Variants in CCDC33 observed in about 807,000 individuals in gnomAD.
CCDC33 encodes the protein coiled-coil domain-containing protein 33.
Under a neutral mutation model 91.9 loss-of-function variants are expected in CCDC33, and 94 were observed. The ratio of observed to expected loss-of-function variants is 1.02; its 90% confidence interval spans 0.87 to 1.21. The LOEUF is 1.21. CCDC33 is among the 50% of genes most tolerant of loss of function. The pLI, the probability that CCDC33 is intolerant of heterozygous loss-of-function variation, is 0.00. For synonymous variants in CCDC33, 396 were observed against 374.5 expected (o/e 1.06, Z -0.66); for missense variants, 940 against 935.5 (o/e 1.00, Z -0.06).
chr15:74,218,759 C>T lies in CCDC33; in HGVS notation c.573C>T (p.His191=), dbSNP rs1433406204. The T allele has an allele frequency of 8.5e-6, 11 of 1,289,486 alleles. No homozygotes were observed. Among genetic ancestry groups the T allele is most frequent in the South Asian group, 6.2e-5 (5 of 81,018 alleles). 79.9% of individuals were successfully genotyped at this position (1,289,486 alleles called of 1,614,324 possible). A position where few individuals can be genotyped will look rare whatever the true frequency, so the allele number is the denominator to read the frequency against. Residue 191 remains histidine, a synonymous_variant, in exon 2 of 3, where the codon CAC becomes CAT. Transcript: ENST00000635913. This position sits in a 1 kb window ranked among gnomAD's most constrained non-coding sequence, Gnocchi z 4.8. ...GCCTGGCCTACAGTGTGGCCTTCCA[C>T]GTCCACCGGGGCCCTCAGCCTCCAG... is the stretch of plus-strand genomic sequence containing the variant.
At chr15:74,283,740 G>T (rs1401379183) in intron 10 of CCDC33, among the ~76,000 whole-genome samples, 1 of 151,046 alleles carries the variant, frequency 6.6e-6, no homozygotes, top group Non-Finnish European at 1.5e-5. Context: ...ATCAGGATTG[G>T]GTGTGTACCA....
At position 74,218,879 on chromosome 15, in the gene CCDC33, C is replaced by G. The variant is rs1221468983; in HGVS notation, c.675+18C>G. 4.1e-6 allele frequency: 5 copies of G among 1,212,154 alleles called. No homozygotes were observed. The highest frequency in any genetic ancestry group is 5.2e-6 in the Non-Finnish European group (5 of 952,518). The allele number at this position is 1,212,154 out of a possible 1,614,324, so 75.1% of individuals were successfully genotyped here. ...TACTGCAGGTGGGTGCTTCCCTGGT[C>G]CCAGTTCAGGTTCTGGGCTCACCGG... is the stretch of plus-strand genomic sequence containing the variant. On this transcript the variant is annotated intron_variant, in intron 2 of 2. Coordinates refer to the CCDC33 transcript ENST00000635913. This position sits in a 1 kb window ranked among gnomAD's most constrained non-coding sequence, Gnocchi z 4.8.
chr15:74,234,013 C>T (rs981565187), upstream of CCDC33, among the ~76,000 whole-genome samples: 5 of 152,164 alleles, frequency 3.3e-5, no homozygotes, highest in African/African-American at 7.2e-5. Flanking sequence ...GTAGTTTGTC[C>T]TCACAGGCTG....
chr15:74,208,310 C>G (rs2074308764), intron 1 of CCDC33, among the ~76,000 whole-genome samples: 1 of 152,120 alleles, frequency 6.6e-6, no homozygotes, highest in Non-Finnish European at 1.5e-5. Context: ...CTTCGGAGGA[C>G]TAGACACAAG....
chr15:74,238,135 A>C (rs1280280464), intron 1 of CCDC33, among the ~76,000 whole-genome samples: 1 of 149,696 alleles, frequency 6.7e-6, no homozygotes, highest in Non-Finnish European at 1.5e-5. Context: ...CTCAAAAATA[A>C]AAGGACGTTG....
intron 10 of CCDC33, among the ~76,000 whole-genome samples, chr15:74,294,870 C>G (rs190412963): frequency 6.6e-6 from 1 of 152,240 alleles, no homozygotes; most frequent in Non-Finnish European, 1.5e-5. Flanking sequence ...GCTGAGACAT[C>G]AAGTCATCCT....
intron 10 of CCDC33, among the ~76,000 whole-genome samples, chr15:74,291,990 G>A (rs1397658323): frequency 6.6e-6 from 1 of 152,228 alleles, no homozygotes; most frequent in African/African-American, 2.4e-5. Flanking sequence ...GCTAGTGCGT[G>A]GCCATGCATC....
chr15:74,250,412 C>T (rs922899096), intron 2 of CCDC33, among the ~76,000 whole-genome samples: 2 of 152,160 alleles, frequency 1.3e-5, no homozygotes, highest in African/African-American at 2.4e-5. Flanking sequence ...GACATCTCTC[C>T]GTTCTCTGAG....
intron 1 of CCDC33, among the ~76,000 whole-genome samples, chr15:74,241,507 G>T (rs907514974): frequency 6.6e-6 from 1 of 152,200 alleles, no homozygotes; most frequent in Non-Finnish European, 1.5e-5. Context: ...CACAGGGCCC[G>T]TGGGACAAGA....
At chr15:74,281,683 G>A in intron 9 of CCDC33, 95 bp from the exon 10 acceptor site, 2 of 1,160,962 alleles carry the variant, frequency 1.7e-6, no homozygotes, top group East Asian at 2.4e-5. Flanking sequence ...GCAGCCCGCA[G>A]GTGACACCTT....
In CCDC33 at chr15:74,256,589, C is replaced by T. The variant is rs1169793798; in HGVS notation, c.186-5851C>T. ...ACTGACAGGTCCACCCATTGCGGCCCAAGAAGGTGGCTCCCAGGGCCCCTC... is the reference window on the plus strand; with the variant it reads ...ACTGACAGGTCCACCCATTGCGGCCTAAGAAGGTGGCTCCCAGGGCCCCTC... On this transcript the variant is annotated intron_variant, in intron 2 of 18. Coordinates refer to ENST00000398814, the MANE Select transcript of CCDC33 (RefSeq NM_025055.5). Among the ~76,000 whole-genome samples, 5 of 152,242 alleles carry T rather than the reference C, an allele frequency of 3.3e-5. No homozygotes were observed. The South Asian group carries it at 1.0e-3, about 32-fold the overall frequency.
intron 5 of CCDC33, among the ~76,000 whole-genome samples, chr15:74,270,887 A>G (rs2076295344): frequency 6.6e-6 from 1 of 152,172 alleles, no homozygotes; most frequent in African/African-American, 2.4e-5. Flanking sequence ...CTGCGCCAAT[A>G]GAAGCCTGGA....
rs545148366 is a variant in CCDC33 at position 74,229,655 on chromosome 15, C to G, written c.675+10794C>G. On this transcript the variant is annotated intron_variant, in intron 2 of 2. Coordinates refer to the CCDC33 transcript ENST00000635913. ...CACACCCGTGCATGCCCTAGCAAGG[C>G]GAGAAGGCACTGGGGGCTTGGACTG... is the stretch of plus-strand genomic sequence containing the variant. Among the ~76,000 whole-genome samples, 62 of 152,356 alleles carry G rather than the reference C, an allele frequency of 4.1e-4. 1 individual carries two copies. The highest frequency in any genetic ancestry group is 1.5e-3 in the African/African-American group (62 of 41,582).
At chr15:74,206,474 G>A (rs1379542910) in intron 1 of CCDC33, among the ~76,000 whole-genome samples, 3 of 152,218 alleles carry the variant, frequency 2.0e-5, no homozygotes, top group South Asian at 4.1e-4. Context: ...AGAGAAGGAT[G>A]GTAATGATGT....
chr15:74,257,190 A>C (rs1400815993), intron 2 of CCDC33, among the ~76,000 whole-genome samples: 1 of 152,238 alleles, frequency 6.6e-6, no homozygotes, highest in Non-Finnish European at 1.5e-5. Flanking sequence ...AGTCCAATTA[A>C]TAAATGAAAC....
chr15:74,243,748 G>C, intron 1 of CCDC33: 2 of 547,420 alleles, frequency 3.7e-6, no homozygotes, highest in South Asian at 3.1e-5. Flanking sequence ...CCTGAGGTCA[G>C]GAGTTTGAGA....
At chr15:74,323,125 A>G (rs1413365592) in intron 11 of CCDC33, among the ~76,000 whole-genome samples, 2 of 151,856 alleles carry the variant, frequency 1.3e-5, no homozygotes, top group Admixed American at 1.3e-4. Flanking sequence ...CTGTTTTCCT[A>G]GCTACCTTTG....
At chr15:74,215,311 A>G (rs551758137), upstream of CCDC33, among the ~76,000 whole-genome samples, 15 of 152,132 alleles carry the variant, frequency 9.9e-5, no homozygotes, top group African/African-American at 3.4e-4. Context: ...TTCCAATTCT[A>G]TGAAGCACTG....
intron 1 of CCDC33, among the ~76,000 whole-genome samples, chr15:74,239,529 G>A (rs2075281586): frequency 6.6e-6 from 1 of 152,192 alleles, no homozygotes; most frequent in Non-Finnish European, 1.5e-5. Context: ...TTCCAATCTT[G>A]CCAGGCCCAG....
Sources: allele counts gnomAD v4.1 joint callset (sites outside exome capture counted in the v4.1 genomes callset), GRCh38; gene constraint gnomAD v4.1.1; non-coding constraint Gnocchi (gnomAD v3.1); transcripts MANE v1.5; gene names NCBI Gene and HGNC (gene_info 2026-07-23, HGNC 2026-07-21).